PRTFDC1: variants seen among roughly 807,000 people sequenced by gnomAD.
The protein encoded by PRTFDC1 is phosphoribosyl transferase domain containing 1.
A neutral mutation model predicts 34.6 loss-of-function variants in PRTFDC1; 38 were observed. The observed-to-expected ratio is 1.10, with a 90% CI of 0.85 to 1.44. The LOEUF (loss-of-function observed/expected upper bound fraction) is 1.44, where lower values mean the gene tolerates loss of function less well. PRTFDC1 is among the 40% of genes most tolerant of loss of function. The pLI is 0.00. For synonymous variants in PRTFDC1, 93 were observed against 98.1 expected, an observed-to-expected ratio of 0.95 and a Z score of 0.31; for missense variants, 270 against 283.0, an observed-to-expected ratio of 0.95 and a Z score of 0.33.
At chr10:24,938,828 G>A (rs1801830436) in intron 2 of PRTFDC1, among the ~76,000 whole-genome samples, 1 of 152,116 alleles carries the variant, frequency 6.6e-6, no homozygotes, top group Non-Finnish European at 1.5e-5. Flanking sequence ...AAAGCTCAGG[G>A]GAAAGTAAAC....
intron 3 of PRTFDC1, among the ~76,000 whole-genome samples, chr10:24,912,535 T>C (rs1424623767): frequency 3.3e-5 from 5 of 152,062 alleles, no homozygotes; most frequent in African/African-American, 1.2e-4. Context: ...CATTTATATG[T>C]CATTTTTGGT....
At chr10:24,932,323 GA>G (rs1848984634) in intron 3 of PRTFDC1, among the ~76,000 whole-genome samples, 1 of 151,702 alleles carries the variant, frequency 6.6e-6, no homozygotes, top group Admixed American at 6.6e-5. Flanking sequence ...GCAATAAAAA[GA>G]AATAAAAGGT....
chr10:24,941,729 A>G (rs1404617581), intron 2 of PRTFDC1, among the ~76,000 whole-genome samples: 2 of 152,200 alleles, frequency 1.3e-5, no homozygotes, highest in Admixed American at 6.5e-5. Flanking sequence ...AATTCAGGTA[A>G]GAAATGCAAG....
intron 8 of PRTFDC1, among the ~76,000 whole-genome samples, chr10:24,850,769 A>G (rs1209600680): frequency 6.6e-6 from 1 of 152,150 alleles, no homozygotes; most frequent in Non-Finnish European, 1.5e-5. Context: ...CCATGGTGCT[A>G]TGGATACTCT....
At chr10:24,859,362 C>A (rs761798171) in intron 4 of PRTFDC1, among the ~76,000 whole-genome samples, 12 of 152,162 alleles carry the variant, frequency 7.9e-5, no homozygotes, top group Non-Finnish European at 1.5e-4. Context: ...CGGGTTCAAT[C>A]GATTCTCCCA....
At chr10:24,895,500 C>G (rs1370332206) in intron 3 of PRTFDC1, among the ~76,000 whole-genome samples, 1 of 150,936 alleles carries the variant, frequency 6.6e-6, no homozygotes, top group African/African-American at 2.4e-5. Context: ...ATCCACCTGC[C>G]TTGGCCTCCC....
chr10:24,922,406 C>T (rs903747475), intron 3 of PRTFDC1, among the ~76,000 whole-genome samples: 4 of 152,180 alleles, frequency 2.6e-5, no homozygotes, highest in African/African-American at 7.2e-5. Flanking sequence ...CAAGTCTCAC[C>T]TTGAATTGTA....
chr10:24,882,779 T>G (rs992636389), intron 3 of PRTFDC1, among the ~76,000 whole-genome samples: 1 of 151,716 alleles, frequency 6.6e-6, no homozygotes, highest in African/African-American at 2.4e-5. Flanking sequence ...TAGCTGGGAC[T>G]ACAGGTGTGT....
At chr10:24,893,370 C>T (rs993010406) in intron 3 of PRTFDC1, among the ~76,000 whole-genome samples, 1 of 152,104 alleles carries the variant, frequency 6.6e-6, no homozygotes, top group Non-Finnish European at 1.5e-5. Context: ...CACATTGCAG[C>T]CTTGAGCTCC....
At chr10:24,912,431 C>T (rs1186099443) in intron 3 of PRTFDC1, among the ~76,000 whole-genome samples, 8 of 151,446 alleles carry the variant, frequency 5.3e-5, no homozygotes, top group Non-Finnish European at 8.8e-5. Context: ...TGGTTATAGG[C>T]ATCCTCTGGG....
chr10:24,867,249 C>G (rs1011495493), intron 4 of PRTFDC1, among the ~76,000 whole-genome samples: 3 of 151,140 alleles, frequency 2.0e-5, no homozygotes, highest in African/African-American at 4.9e-5. Context: ...TCCTTTCTAG[C>G]CCTCCCTCCT....
At chr10:24,889,733 C>T (rs1352151736) in intron 3 of PRTFDC1, among the ~76,000 whole-genome samples, 1 of 152,200 alleles carries the variant, frequency 6.6e-6, no homozygotes, top group East Asian at 1.9e-4. Context: ...CTAGAACCAC[C>T]TTCCATTTTT....
chr10:24,860,422 A>G (rs1030762256), intron 4 of PRTFDC1, among the ~76,000 whole-genome samples: 2 of 152,152 alleles, frequency 1.3e-5, no homozygotes, highest in African/African-American at 4.8e-5. Flanking sequence ...TACACATTCG[A>G]TAACTTACTT....
intron 4 of PRTFDC1, among the ~76,000 whole-genome samples, chr10:24,862,247 A>C (rs1355673411): frequency 6.6e-6 from 1 of 152,200 alleles, no homozygotes; most frequent in Non-Finnish European, 1.5e-5. Context: ...CTATATATTC[A>C]AATTTCCCCA....
intron 3 of PRTFDC1, among the ~76,000 whole-genome samples, chr10:24,882,215 A>AAAAAAAAAAAAG (rs533339656): frequency 2.7e-5 from 4 of 147,032 alleles, no homozygotes; most frequent in South Asian, 2.2e-4. Context: ...AAAAAAAAAA[A>AAAAAAAAAAAAG]AAAAGAAAAG....
At chr10:24,921,304 C>T (rs1213987268) in intron 3 of PRTFDC1, among the ~76,000 whole-genome samples, 1 of 152,070 alleles carries the variant, frequency 6.6e-6, no homozygotes, top group Non-Finnish European at 1.5e-5. Flanking sequence ...TGAGTTGGGG[C>T]AGACTTCTGA....
At chr10:24,897,704 C>A (rs1026593245) in intron 3 of PRTFDC1, among the ~76,000 whole-genome samples, 2 of 152,118 alleles carry the variant, frequency 1.3e-5, no homozygotes, top group Non-Finnish European at 2.9e-5. Context: ...CATCGAGAAA[C>A]ATGTTAAAGA....
At position 24,851,410 on chromosome 10, in the gene PRTFDC1, T is replaced by C. The variant is rs1565254221; in HGVS notation, c.608A>G (p.Asn203Ser). ...LFVVGYALDY[N>S]EYFRDLNHIC... ...TACATTCAGATCTCTGAAGTATTCA[T>C]TGTAATCTAAGGCATATCCCACCAC... Residue 203 changes from asparagine (N) to serine (S), a missense_variant, in exon 8 of 9, where the codon AAT becomes AGT. Coordinates refer to ENST00000320152, the MANE Select transcript of PRTFDC1 (RefSeq NM_020200.7). 6.2e-7 allele frequency: 1 copy of C among 1,612,758 alleles called. No homozygotes were observed.
At chr10:24,864,473 C>G (rs764712556) in intron 4 of PRTFDC1, among the ~76,000 whole-genome samples, 13 of 152,158 alleles carry the variant, frequency 8.5e-5, no homozygotes, top group Non-Finnish European at 1.9e-4. Flanking sequence ...GAAGCACCCA[C>G]CAGCCTGATC....
Sources: gnomAD v4.1 joint callset for allele counts (sites outside exome capture counted in the v4.1 genomes callset) on GRCh38, gnomAD v4.1.1 for gene constraint, MANE v1.5 for transcripts, NCBI Gene and HGNC (gene_info 2026-07-23, HGNC 2026-07-21) for gene names.